The following SLC44A5 variants were observed in gnomAD, a reference collection of about 807,000 sequenced individuals.
The protein encoded by SLC44A5 is choline transporter-like protein 5.
SLC44A5 carries 57 observed loss-of-function variants against 101.8 expected under a neutral mutation model. The observed-to-expected ratio is 0.56, with a 90% confidence interval of 0.45 to 0.70. SLC44A5 has a LOEUF of 0.70. Ranked by LOEUF, SLC44A5 falls within the 30% of genes least tolerant of loss-of-function variation. The pLI is 0.00. For synonymous variants in SLC44A5, 281 were observed against 290.9 expected (o/e 0.97, Z 0.35); for missense variants, 737 against 853.1 (o/e 0.86, Z 1.70).
At chr1:75,215,975 CATAAT>C (rs1646953952) in intron 18 of SLC44A5, 118 bp from the exon 19 acceptor site, 3 of 616,278 alleles carry the variant, frequency 4.9e-6, no homozygotes, top group African/African-American at 1.9e-5. Flanking sequence ...ATAAAATATA[CATAAT>C]ATAAAATTTG....
At chr1:75,671,071 A>G in the SLC44A5 span, among the ~76,000 whole-genome samples, 34 of 152,204 alleles carry the variant, frequency 2.2e-4, no homozygotes, top group Non-Finnish European at 4.4e-4. Context: ...AGACTTTCCT[A>G]TGGTTTTTAC....
At chr1:75,282,459 T>C (rs1652681625) in intron 5 of SLC44A5, among the ~76,000 whole-genome samples, 1 of 152,158 alleles carries the variant, frequency 6.6e-6, no homozygotes, top group East Asian at 1.9e-4. Context: ...GTTAAGACTT[T>C]AAGGAACTGT....
chr1:75,609,924 A>C (rs1675553590), intron 1 of SLC44A5, among the ~76,000 whole-genome samples: 1 of 152,078 alleles, frequency 6.6e-6, no homozygotes, highest in Non-Finnish European at 1.5e-5. Context: ...AGGAATCCAG[A>C]AGCAGCTTGA....
At chr1:75,658,854 A>G in the SLC44A5 span, among the ~76,000 whole-genome samples, 1 of 152,096 alleles carries the variant, frequency 6.6e-6, no homozygotes, top group Admixed American at 6.5e-5. Context: ...TTCTGAAAAG[A>G]TAAATAAAAT....
the SLC44A5 span, among the ~76,000 whole-genome samples, chr1:75,700,151 C>A: frequency 1.3e-5 from 2 of 152,232 alleles, no homozygotes; most frequent in African/African-American, 2.4e-5. Context: ...CTGCACCAAG[C>A]AGACCTAATA....
intron 4 of SLC44A5, 63 bp from the exon 5 acceptor site, chr1:75,300,748 C>T (rs770761846): frequency 1.9e-5 from 20 of 1,041,050 alleles, no homozygotes; most frequent in Middle Eastern, 4.7e-4. Flanking sequence ...GTTTCCTGCA[C>T]AAAATGAAGG....
intron 3 of SLC44A5, among the ~76,000 whole-genome samples, chr1:75,360,608 C>G (rs1659417217): frequency 6.6e-6 from 1 of 152,162 alleles, no homozygotes; most frequent in African/African-American, 2.4e-5. Context: ...TGTTGAAAAT[C>G]ACTTGAATGT....
intron 1 of SLC44A5, among the ~76,000 whole-genome samples, chr1:75,586,540 ATT>A (rs59339576): frequency 1.9e-4 from 28 of 148,912 alleles, no homozygotes; most frequent in South Asian, 2.1e-4. Context: ...CTGGAGTTTG[ATT>A]TTTTTTTTTG....
At chr1:75,449,324 A>G (rs925084125) in intron 2 of SLC44A5, among the ~76,000 whole-genome samples, 2 of 152,136 alleles carry the variant, frequency 1.3e-5, no homozygotes, top group Non-Finnish European at 2.9e-5. Context: ...CATTCATGAG[A>G]CTGGTCTGGC....
At chr1:75,642,120 G>A in the SLC44A5 span, 1 of 1,038,290 alleles carries the variant, frequency 9.6e-7, no homozygotes, top group South Asian at 1.5e-5. Flanking sequence ...TATAATTGAA[G>A]TGATATATAT....
At chr1:75,384,024 C>T (rs1661108227) in intron 3 of SLC44A5, among the ~76,000 whole-genome samples, 1 of 151,358 alleles carries the variant, frequency 6.6e-6, no homozygotes, top group East Asian at 2.0e-4. Flanking sequence ...TTTGTCACCA[C>T]CAGGCCTGCC....
the SLC44A5 span, among the ~76,000 whole-genome samples, chr1:75,636,123 T>C: frequency 6.6e-6 from 1 of 152,040 alleles, no homozygotes; most frequent in Non-Finnish European, 1.5e-5. Context: ...TCTACATCCA[T>C]GTTTACACAT....
chr1:75,299,882 A>G (rs1468946186), intron 5 of SLC44A5, among the ~76,000 whole-genome samples: 1 of 151,338 alleles, frequency 6.6e-6, no homozygotes, highest in Non-Finnish European at 1.5e-5. Flanking sequence ...TGGGCATGGT[A>G]GTGCATGCCT....
At chr1:75,537,054 A>T (rs1399649828) in intron 2 of SLC44A5, among the ~76,000 whole-genome samples, 1 of 138,734 alleles carries the variant, frequency 7.2e-6, no homozygotes, top group Non-Finnish European at 1.5e-5. Context: ...ATGCCAAATG[A>T]TTCTGAATAT....
At chr1:75,638,748 A>G in the SLC44A5 span, among the ~76,000 whole-genome samples, 1 of 152,088 alleles carries the variant, frequency 6.6e-6, no homozygotes, top group African/African-American at 2.4e-5. Context: ...CATTATTTTT[A>G]TGACTATACA....
chr1:75,343,107 C>G (rs1370856472), intron 3 of SLC44A5, among the ~76,000 whole-genome samples: 2 of 152,154 alleles, frequency 1.3e-5, no homozygotes. Flanking sequence ...GGTTCGCTGT[C>G]ATGTGGCTTA....
chr1:75,625,302 T>C, the SLC44A5 span, among the ~76,000 whole-genome samples: 1 of 152,152 alleles, frequency 6.6e-6, no homozygotes, highest in Admixed American at 6.5e-5. Context: ...CAGAAACTAT[T>C]TCCTCCTTTC....
intron 6 of SLC44A5, among the ~76,000 whole-genome samples, chr1:75,258,455 G>A (rs1040627502): frequency 1.3e-5 from 2 of 152,000 alleles, no homozygotes; most frequent in African/African-American, 4.8e-5. Context: ...CAAGGCCACT[G>A]CTGCCAGACT....
chr1:75,509,073 A>G (rs996566417), intron 2 of SLC44A5, among the ~76,000 whole-genome samples: 2 of 152,234 alleles, frequency 1.3e-5, no homozygotes, highest in South Asian at 2.1e-4. Context: ...ACTTGGACAG[A>G]CTGGCATGGG....
Sources: gnomAD v4.1 joint callset for allele counts (sites outside exome capture counted in the v4.1 genomes callset) on GRCh38, gnomAD v4.1.1 for gene constraint, MANE v1.5 for transcripts, NCBI Gene and HGNC (gene_info 2026-07-23, HGNC 2026-07-21) for gene names.